Variants in UACA observed in about 807,000 individuals in gnomAD.
The protein encoded by UACA is nuclear membrane binding protein.
Under a neutral mutation model 160.5 loss-of-function variants are expected in UACA, and 112 were observed. The observed-to-expected ratio is 0.70, with a 90% confidence interval of 0.60 to 0.82. The LOEUF is 0.82. Among genes scored for constraint, UACA ranks in the 40% least tolerant of loss-of-function variants. The probability of loss-of-function intolerance (pLI) is 0.00; values close to 1 mark genes in which losing one functional copy is unlikely to be tolerated. For missense variants in UACA, 1,574 were observed against 1,614.6 expected (o/e 0.97, Z 0.43); for synonymous variants, 557 against 568.4 (o/e 0.98, Z 0.29).
intron 1 of UACA, among the ~76,000 whole-genome samples, chr15:70,752,831 G>C (rs779637587): frequency 3.3e-5 from 5 of 152,062 alleles, no homozygotes; most frequent in African/African-American, 4.8e-5. Context: ...ATAATATACT[G>C]GGTAAGTATA....
intron 9 of UACA, among the ~76,000 whole-genome samples, chr15:70,681,286 T>C (rs1253878481): frequency 1.3e-5 from 2 of 152,182 alleles, no homozygotes; most frequent in African/African-American, 2.4e-5. Context: ...TCAGCAGATA[T>C]CTGTGAACAA....
In UACA at chr15:70,718,324, A is replaced by ATGTATGTGTGTG. The variant is rs1491091552; in HGVS notation, c.79-18665_79-18664insCACACACATACA. ...AGAGGGAGAGGGAGAGAGAGAGAGA[A>ATGTATGTGTGTG]TGTGTGTGTGTGTGTGTGTGTGTGT... On this transcript the variant is annotated intron_variant, in intron 1 of 18. Transcript: ENST00000322954. Among the ~76,000 whole-genome samples the ATGTATGTGTGTG allele has an allele frequency of 2.6e-3, 156 of 60,228 alleles. 4 individuals are homozygous for ATGTATGTGTGTG. The Admixed American group carries it at 0.031, about 12-fold the overall frequency. The allele number at this position is 60,228 out of a possible 152,430, so 39.5% of individuals were successfully genotyped here. A position where few individuals can be genotyped will look rare whatever the true frequency, so the allele number is the denominator to read the frequency against.
Position 70,673,902 on chromosome 15 carries a change from C to T in UACA, c.1132-1901G>A, listed in dbSNP as rs142067733. On this transcript the variant is annotated intron_variant, in intron 13 of 18. Transcript: ENST00000322954. ...TTTGAGACAGGGTCTCACTCTGTTA[C>T]TCAAGCTGGAGTGCAGAGGCATGAT... Among the ~76,000 whole-genome samples, 96 of 152,284 alleles carry T rather than the reference C, an allele frequency of 6.3e-4. 2 individuals are homozygous for T. In the East Asian group the frequency reaches 0.018, roughly 28 times the overall value.
chr15:70,713,501 T>C (rs1469196205), intron 1 of UACA, among the ~76,000 whole-genome samples: 1 of 152,204 alleles, frequency 6.6e-6, no homozygotes, highest in African/African-American at 2.4e-5. Flanking sequence ...CTTGGATGTC[T>C]GAAAGAAGGC....
chr15:70,667,616 ACTT>A lies in UACA; in HGVS notation c.3065_3067del (p.Glu1022del), dbSNP rs752051341. ...GTCATTCTCTTGCTTGTTTTTCTTG[ACTT>A]CTTCTTCACTGACACTATACTTTTG... On this transcript the variant is annotated inframe_deletion, in exon 16 of 19. Coordinates refer to ENST00000322954, the MANE Select transcript of UACA (RefSeq NM_018003.4). 8.4e-5 allele frequency: 135 copies of A among 1,612,616 alleles called. No homozygotes were observed. Among genetic ancestry groups the A allele is most frequent in the Middle Eastern group, 1.7e-4 (1 of 6,056 alleles).
chr15:70,669,608 A>G (rs1341027214), intron 15 of UACA, 146 bp from the exon 16 acceptor site: 1 of 604,428 alleles, frequency 1.7e-6, no homozygotes, highest in Non-Finnish European at 2.7e-6. Flanking sequence ...AAAAATCACA[A>G]TGCTGATTTT....
intron 1 of UACA, among the ~76,000 whole-genome samples, chr15:70,709,106 T>C (rs1371243046): frequency 2.0e-5 from 3 of 152,138 alleles, no homozygotes; most frequent in Non-Finnish European, 4.4e-5. Flanking sequence ...TATTAACATA[T>C]CAACATATCT....
chr15:70,671,371 G>A, intron 14 of UACA: 1 of 238,508 alleles, frequency 4.2e-6, no homozygotes, highest in Non-Finnish European at 8.0e-6. Context: ...GAAATATTGA[G>A]GACTCTTAAA....
intron 1 of UACA, among the ~76,000 whole-genome samples, chr15:70,706,840 C>T (rs982073025): frequency 2.0e-5 from 3 of 152,104 alleles, no homozygotes; most frequent in Non-Finnish European, 4.4e-5. Context: ...ATTTGGAAAA[C>T]TGAATACCGT....
At chr15:70,738,238 A>G (rs561356184) in intron 1 of UACA, among the ~76,000 whole-genome samples, 1 of 151,900 alleles carries the variant, frequency 6.6e-6, no homozygotes, top group East Asian at 1.9e-4. Flanking sequence ...ATCCTGGACT[A>G]TTATAATAAT....
At chr15:70,692,881 C>G (rs1023995313) in intron 3 of UACA, among the ~76,000 whole-genome samples, 2 of 152,196 alleles carry the variant, frequency 1.3e-5, no homozygotes, top group Non-Finnish European at 2.9e-5. Context: ...GCTTTCAACT[C>G]TCTGGTCACT....
chr15:70,703,126 C>T (rs1353182293), intron 1 of UACA: 2 of 1,289,108 alleles, frequency 1.6e-6, no homozygotes, highest in Middle Eastern at 2.1e-4. Flanking sequence ...CTTGTATCAA[C>T]ATTTCTTACA....
the UACA span, among the ~76,000 whole-genome samples, chr15:70,778,318 G>A: frequency 3.3e-5 from 5 of 152,184 alleles, no homozygotes; most frequent in South Asian, 6.2e-4. Context: ...CAGAAATTTA[G>A]CAGCTTAAAA....
intron 1 of UACA, among the ~76,000 whole-genome samples, chr15:70,735,147 TAA>T (rs1555415817): frequency 2.6e-3 from 8 of 3,106 alleles, no homozygotes; most frequent in African/African-American, 8.0e-3. Flanking sequence ...TAGAGTATAA[TAA>T]AAAAAAAAAA....
At chr15:70,772,274 A>G in the UACA span, among the ~76,000 whole-genome samples, 1 of 151,852 alleles carries the variant, frequency 6.6e-6, no homozygotes, top group African/African-American at 2.4e-5. Context: ...CGGGTGGATC[A>G]TGAGGTCAGG....
intron 1 of UACA, chr15:70,702,387 T>G: frequency 1.4e-5 from 12 of 876,090 alleles, no homozygotes; most frequent in Non-Finnish European, 1.6e-5. Flanking sequence ...TTAGATTCCA[T>G]AGGACTTGAC....
At chr15:70,735,830 C>A (rs1385411288) in intron 1 of UACA, among the ~76,000 whole-genome samples, 3 of 151,852 alleles carry the variant, frequency 2.0e-5, no homozygotes, top group Non-Finnish European at 4.4e-5. Context: ...TGTAAGACAC[C>A]AAGCCCAGCT....
chr15:70,776,352 C>G, the UACA span, among the ~76,000 whole-genome samples: 6 of 151,952 alleles, frequency 3.9e-5, no homozygotes, highest in African/African-American at 1.5e-4. Context: ...TTCATCATTG[C>G]CTCCAAAGGA....
Position 70,660,166 on chromosome 15 carries a change from A to G in UACA, c.4164T>C (p.Leu1388=), listed in dbSNP as rs756615583. The G allele has an allele frequency of 9.3e-6, 15 of 1,613,522 alleles. No homozygotes were observed. In the South Asian group the frequency reaches 1.5e-4, roughly 17 times the overall value. The change falls in exon 18 of 19, where the codon CTT becomes CTC. Residue 1388 remains leucine, a synonymous_variant. Transcript: ENST00000322954. The stretch of plus-strand genomic sequence containing the variant: ...AGTTCTTTACCTGTGCAGCACTAAG[A>G]AGGTGTGTCCGATAAATTGCAATTA... The part of the protein sequence containing the change: ...QEVIAIYRTH[L]LSAAQGHMDE...
Sources: allele counts gnomAD v4.1 joint callset (sites outside exome capture counted in the v4.1 genomes callset), GRCh38; gene constraint gnomAD v4.1.1; transcripts MANE v1.5; gene names NCBI Gene and HGNC (gene_info 2026-07-23, HGNC 2026-07-21).